EFHD1: variants seen among roughly 807,000 people sequenced by gnomAD.
EFHD1 encodes EF-hand domain-containing protein D1.
Under a neutral mutation model 17.2 loss-of-function variants are expected in EFHD1, and 10 were observed. That is an observed-to-expected ratio of 0.58 (90% CI 0.36 to 0.99). The LOEUF (loss-of-function observed/expected upper bound fraction) is 0.99, where lower values mean the gene tolerates loss of function less well. Among genes scored for constraint, EFHD1 ranks in the 50% least tolerant of loss-of-function variants. EFHD1 has a pLI of 0.01. For synonymous variants in EFHD1, 153 were observed against 142.0 expected (o/e 1.08, Z -0.55); for missense variants, 310 against 327.5 (o/e 0.95, Z 0.41).
upstream of EFHD1, chr2:232,633,515 C>T (rs1051745448): frequency 4.5e-5 from 57 of 1,266,684 alleles, no homozygotes; most frequent in Middle Eastern, 6.1e-4. Flanking sequence ...AGCCCTGGCG[C>T]CTCCTTAAAG....
At chr2:232,664,472 G>T (rs1682758751) in intron 2 of EFHD1, among the ~76,000 whole-genome samples, 1 of 151,366 alleles carries the variant, frequency 6.6e-6, no homozygotes, top group East Asian at 1.9e-4. Flanking sequence ...AAAATTTTGT[G>T]GTTGTTTATA....
chr2:232,681,531 A>G (rs1695281342), intron 3 of EFHD1, 54 bp from the exon 4 acceptor site: 2 of 1,586,598 alleles, frequency 1.3e-6, no homozygotes, highest in African/African-American at 1.3e-5. Context: ...CAGCAGCTCC[A>G]GGGTCCTCTG....
At chr2:232,650,311 T>A (rs1460284842) in intron 1 of EFHD1, among the ~76,000 whole-genome samples, 1 of 149,104 alleles carries the variant, frequency 6.7e-6, no homozygotes, top group Non-Finnish European at 1.5e-5. Context: ...TTTTTTTTTT[T>A]AAGAAGGTGT....
chr2:232,632,856 G>C (rs1372648029), upstream of EFHD1, among the ~76,000 whole-genome samples: 6 of 152,162 alleles, frequency 3.9e-5, no homozygotes, highest in Non-Finnish European at 8.8e-5. Context: ...GAACTCCTGG[G>C]CTCAAAAGAT....
chr2:232,664,039 G>C lies in EFHD1; in HGVS notation c.450+1090G>C, dbSNP rs1574728637. ...CAACTCAGCCTCAAGCGATTCTCCT[G>C]CCTCTGACTCCCAAAGTGCTGGGAT... On this transcript the variant is annotated intron_variant, in intron 2 of 3. Coordinates refer to ENST00000264059, the MANE Select transcript of EFHD1 (RefSeq NM_025202.4). 2.0e-5 allele frequency among the ~76,000 whole-genome samples: 3 copies of C among 151,956 alleles called. No homozygotes were observed. In the South Asian group the frequency reaches 6.2e-4, roughly 31 times the overall value.
At chr2:232,640,688 C>A (rs1694414714) in intron 1 of EFHD1, among the ~76,000 whole-genome samples, 1 of 152,118 alleles carries the variant, frequency 6.6e-6, no homozygotes, top group African/African-American at 2.4e-5. Flanking sequence ...CCCGAGAAGC[C>A]ACCCACCACC....
At chr2:232,667,544 T>TTA (rs1559354788) in intron 2 of EFHD1, among the ~76,000 whole-genome samples, 240 of 145,458 alleles carry the variant, frequency 1.6e-3, no homozygotes, top group African/African-American at 5.7e-3. Context: ...TTAATTAATT[T>TTA]ATTTATTTAT....
intron 3 of EFHD1, among the ~76,000 whole-genome samples, chr2:232,673,700 A>G (rs1342883114): frequency 6.6e-6 from 1 of 151,928 alleles, no homozygotes; most frequent in Non-Finnish European, 1.5e-5. Flanking sequence ...GCACCCTTAC[A>G]TGCTTTTGGT....
At chr2:232,614,528 T>C (rs1052459617) in intron 1 of EFHD1, among the ~76,000 whole-genome samples, 8 of 152,210 alleles carry the variant, frequency 5.3e-5, no homozygotes, top group Non-Finnish European at 8.8e-5. Context: ...GACTTTATTG[T>C]AGGAAAGCAG....
rs189617797 is a variant in EFHD1 at position 232,613,430 on chromosome 2, G to A, written c.14+7257G>A. On this transcript the variant is annotated intron_variant, in intron 1 of 3. Transcript: ENST00000409613. ...CAGAGCAAGACTCTGTCTCAAGAAA[G>A]AAGCATATGTCCACACAAAGACTCA... Among the ~76,000 whole-genome samples, 1,059 of 152,058 alleles carry A rather than the reference G, an allele frequency of 7.0e-3. 37 individuals are homozygous for A. The highest frequency in any genetic ancestry group is 0.058 in the Admixed American group (890 of 15,242).
At chr2:232,608,102 G>T (rs1443317717) in intron 1 of EFHD1, among the ~76,000 whole-genome samples, 10 of 152,198 alleles carry the variant, frequency 6.6e-5, no homozygotes, top group Admixed American at 6.6e-4. Context: ...GGGCGTGGTG[G>T]CTCATGCCTG....
At chr2:232,659,279 A>AGTG (rs924947542) in intron 1 of EFHD1, among the ~76,000 whole-genome samples, 7 of 152,196 alleles carry the variant, frequency 4.6e-5, no homozygotes, top group African/African-American at 1.4e-4. Context: ...ATACTGTTAA[A>AGTG]GTGAGGGCAC....
At chr2:232,630,457 C>G (rs954795719), upstream of EFHD1, among the ~76,000 whole-genome samples, 1 of 152,192 alleles carries the variant, frequency 6.6e-6, no homozygotes, top group African/African-American at 2.4e-5. Flanking sequence ...GGACATAGCT[C>G]AGAGGGCGTT....
Position 232,625,398 on chromosome 2 carries a change from C to T in EFHD1, c.14+19225C>T, listed in dbSNP as rs536525708. On this transcript the variant is annotated intron_variant, in intron 1 of 3. Coordinates refer to the EFHD1 transcript ENST00000409613. Reference sequence around the variant, plus strand: ...CAAACAATCCTCCGACATTGGCCTCCCAAAGTGCAGGGCAAGCCACCGTAC... The same window carrying T: ...CAAACAATCCTCCGACATTGGCCTCTCAAAGTGCAGGGCAAGCCACCGTAC... 5.3e-5 allele frequency among the ~76,000 whole-genome samples: 8 copies of T among 152,114 alleles called. No individual in the cohort carries two copies. In the East Asian group the frequency reaches 1.5e-3, roughly 29 times the overall value.
At position 232,682,355 on chromosome 2, in the gene EFHD1, C is replaced by T. The variant is rs1007198625; in HGVS notation, c.*636C>T. On this transcript the variant is annotated 3_prime_UTR_variant, in exon 4 of 4. Transcript: ENST00000264059. The stretch of plus-strand genomic sequence containing the variant: ...CTGGCCCCTTAGCATTCCCCCAGTC[C>T]CTCCCTCTTCACCTTGCTCCGTCTA... 1.3e-5 allele frequency: 2 copies of T among 152,706 alleles called. No individual in the cohort carries two copies. Among genetic ancestry groups the T allele is most frequent in the African/African-American group, 4.8e-5 (2 of 41,418 alleles). 9.5% of individuals were successfully genotyped at this position (152,706 alleles called of 1,614,324 possible).
rs566797822 is a variant in EFHD1 at position 232,634,082 on chromosome 2, G to A, written c.302+76G>A. On this transcript the variant is annotated intron_variant, in intron 1 of 3. Transcript: ENST00000264059. ...AGGGCTTTCTGGTCCGAAGTCCCGG[G>A]CCCTGTTTGTGTGGGGAGGGGTCCC... The A allele has an allele frequency of 4.5e-5, 70 of 1,561,700 alleles. No homozygotes were observed. The African/African-American group carries it at 7.4e-4, about 17-fold the overall frequency.
At chr2:232,643,967 T>C (rs4072149) in intron 1 of EFHD1, among the ~76,000 whole-genome samples, 83,417 of 152,078 alleles carry the variant, frequency 0.55, 23,147 homozygotes, top group African/African-American at 0.61. Flanking sequence ...GTCTTTCCTG[T>C]GGAACATCAT....
intron 1 of EFHD1, among the ~76,000 whole-genome samples, chr2:232,650,560 CTTTTTTTTTT>C (rs71398730): frequency 2.1e-5 from 1 of 48,650 alleles, no homozygotes; most frequent in Non-Finnish European, 3.7e-5. Flanking sequence ...TCCCAAAGTG[CTTTTTTTTTT>C]TTTTTTTTTT....
chr2:232,631,278 CTCTT>C (rs551390119), upstream of EFHD1, among the ~76,000 whole-genome samples: 21 of 151,592 alleles, frequency 1.4e-4, no homozygotes, highest in East Asian at 3.3e-3. Context: ...CTCTCTCTCT[CTCTT>C]TCTTTCTCTC....
Sources: allele counts gnomAD v4.1 joint callset (sites outside exome capture counted in the v4.1 genomes callset), GRCh38; gene constraint gnomAD v4.1.1; transcripts MANE v1.5; gene names NCBI Gene and HGNC (gene_info 2026-07-23, HGNC 2026-07-21).